Variants in UBE2R2 observed in about 807,000 individuals in gnomAD.
The protein encoded by UBE2R2 is ubiquitin conjugating enzyme E2 R2.
UBE2R2 carries 1 observed loss-of-function variant against 27.8 expected under a neutral mutation model. The ratio of observed to expected loss-of-function variants is 0.04; its 90% CI spans 0.01 to 0.17. The LOEUF (loss-of-function observed/expected upper bound fraction) is 0.17, where lower values mean the gene tolerates loss of function less well. Among genes scored for constraint, UBE2R2 ranks in the 10% least tolerant of loss-of-function variants. UBE2R2 has a pLI of 1.00. For synonymous variants in UBE2R2, 106 were observed against 113.3 expected (o/e 0.94, Z 0.41); for missense variants, 100 against 291.0 (o/e 0.34, Z 4.78).
intron 1 of UBE2R2, among the ~76,000 whole-genome samples, chr9:33,853,288 C>CTTTTTT (rs71506143): frequency 2.6e-5 from 3 of 115,358 alleles, no homozygotes; most frequent in African/African-American, 1.0e-4. Flanking sequence ...TTTTCTCTCT[C>CTTTTTT]TTTTTTTTTT....
intron 1 of UBE2R2, among the ~76,000 whole-genome samples, chr9:33,846,050 C>T (rs1047287647): frequency 8.7e-5 from 13 of 150,218 alleles, no homozygotes; most frequent in African/African-American, 2.5e-4. Flanking sequence ...GGCGTGAACT[C>T]GGGAGGTGGA....
intron 1 of UBE2R2, among the ~76,000 whole-genome samples, chr9:33,824,263 G>A (rs895031844): frequency 6.6e-5 from 10 of 152,004 alleles, no homozygotes; most frequent in African/African-American, 2.2e-4. Flanking sequence ...AGGCCGAGGC[G>A]GGTGGATCAC....
chr9:33,911,808 A>G (rs539687521), intron 3 of UBE2R2, among the ~76,000 whole-genome samples, 156 bp from the exon 4 acceptor site: 24 of 152,338 alleles, frequency 1.6e-4, no homozygotes, highest in Non-Finnish European at 3.4e-4. Context: ...TAAAAAATTT[A>G]TATCTCTATT....
At chr9:33,910,588 C>T (rs1031591391) in intron 3 of UBE2R2, among the ~76,000 whole-genome samples, 1 of 152,212 alleles carries the variant, frequency 6.6e-6, no homozygotes, top group Non-Finnish European at 1.5e-5. Context: ...AACTTGCTCA[C>T]CATTGTACAT....
At chr9:33,916,408 G>GA (rs1822643450) in intron 4 of UBE2R2, among the ~76,000 whole-genome samples, 1 of 152,204 alleles carries the variant, frequency 6.6e-6, no homozygotes, top group Non-Finnish European at 1.5e-5. Context: ...TACTGTCAGT[G>GA]AAAATTAAGA....
At position 33,836,771 on chromosome 9, in the gene UBE2R2, A is replaced by G. The variant is rs1442938020; in HGVS notation, c.177+18837A>G. On this transcript the variant is annotated intron_variant, in intron 1 of 4. Coordinates refer to ENST00000263228, the MANE Select transcript of UBE2R2 (RefSeq NM_017811.4). ...GACTCTTATCTCAAAAAAAAAAAAT[A>G]TATATATATATATTCTTGAGGAAGT... is the stretch of plus-strand genomic sequence containing the variant. 2.0e-5 allele frequency among the ~76,000 whole-genome samples: 3 copies of G among 148,718 alleles called. No homozygotes were observed. In the East Asian group the frequency reaches 5.9e-4, roughly 29 times the overall value.
At chr9:33,889,171 T>C (rs1333890428) in intron 2 of UBE2R2, among the ~76,000 whole-genome samples, 1 of 152,158 alleles carries the variant, frequency 6.6e-6, no homozygotes, top group Non-Finnish European at 1.5e-5. Context: ...CGCACAGCAG[T>C]ATTTTGGTGT....
chr9:33,885,431 A>C (rs1224357180), intron 1 of UBE2R2, among the ~76,000 whole-genome samples: 5 of 152,250 alleles, frequency 3.3e-5, no homozygotes, highest in Non-Finnish European at 7.3e-5. Flanking sequence ...CAAAGCTGCC[A>C]GGGAAAATGT....
At position 33,915,123 on chromosome 9, in the gene UBE2R2, T is replaced by C. The variant is rs190904236; in HGVS notation, c.498-1895T>C. ...CTAGCCTGGGTGACAGTGGGAGACC[T>C]TGTCTCAAAAAAAAAAAAAAAATCA... On this transcript the variant is annotated intron_variant, in intron 4 of 4. Transcript: ENST00000263228. Among the ~76,000 whole-genome samples, 13 of 146,382 alleles carry C rather than the reference T, an allele frequency of 8.9e-5. No homozygotes were observed. In the East Asian group the frequency reaches 2.4e-3, roughly 27 times the overall value.
At chr9:33,849,342 T>C (rs1820914025) in intron 1 of UBE2R2, among the ~76,000 whole-genome samples, 1 of 152,182 alleles carries the variant, frequency 6.6e-6, no homozygotes, top group African/African-American at 2.4e-5. Flanking sequence ...TCCTTATCTT[T>C]TTGTGTGTGT....
chr9:33,852,687 C>G (rs1820994133), intron 1 of UBE2R2, among the ~76,000 whole-genome samples: 1 of 152,008 alleles, frequency 6.6e-6, no homozygotes, highest in Non-Finnish European at 1.5e-5. Flanking sequence ...GTTTACTGTT[C>G]TATTGATGAT....
intron 1 of UBE2R2, among the ~76,000 whole-genome samples, chr9:33,834,687 G>A (rs1374747777): frequency 6.6e-6 from 1 of 151,824 alleles, no homozygotes; most frequent in African/African-American, 2.4e-5. Flanking sequence ...GAAGCAGGTG[G>A]ATCACCTGAG....
intron 1 of UBE2R2, among the ~76,000 whole-genome samples, chr9:33,851,950 C>G (rs1226731082): frequency 6.6e-6 from 1 of 151,994 alleles, no homozygotes; most frequent in Non-Finnish European, 1.5e-5. Context: ...AAAGTCATAT[C>G]TAGAAGGGTC....
chr9:33,843,042 CTTTTTTTTT>C (rs71506139), intron 1 of UBE2R2, among the ~76,000 whole-genome samples: 1 of 105,314 alleles, frequency 9.5e-6, no homozygotes, highest in Non-Finnish European at 1.8e-5. Flanking sequence ...AAACAGACCA[CTTTTTTTTT>C]TTTTTTTTTT....
chr9:33,845,407 C>T (rs553346109), intron 1 of UBE2R2, among the ~76,000 whole-genome samples: 37 of 151,912 alleles, frequency 2.4e-4, no homozygotes, highest in Admixed American at 7.2e-4. Context: ...CCACCACACC[C>T]GGCTCATTTT....
At position 33,879,588 on chromosome 9, in the gene UBE2R2, G is replaced by C. The variant is rs914690363; in HGVS notation, c.178-7293G>C. On this transcript the variant is annotated intron_variant, in intron 1 of 4. Coordinates refer to ENST00000263228, the MANE Select transcript of UBE2R2 (RefSeq NM_017811.4). ...CCCACCTCAGCCTCCTGAGTAGCTG[G>C]GATTACAGGCACGTCCACCATGCTT... 2.0e-5 allele frequency among the ~76,000 whole-genome samples: 3 copies of C among 151,626 alleles called. No individual in the cohort carries two copies. The South Asian group carries it at 6.3e-4, about 32-fold the overall frequency.
intron 1 of UBE2R2, among the ~76,000 whole-genome samples, chr9:33,851,598 G>A (rs1038990607): frequency 5.9e-5 from 9 of 152,016 alleles, no homozygotes; most frequent in African/African-American, 1.9e-4. Context: ...TTCTTTTTAG[G>A]TGGTACATGA....
At chr9:33,881,998 A>G (rs1051237572) in intron 1 of UBE2R2, among the ~76,000 whole-genome samples, 2 of 152,170 alleles carry the variant, frequency 1.3e-5, no homozygotes, top group Admixed American at 6.5e-5. Flanking sequence ...GTATTTTTCC[A>G]TTCAGTAATA....
chr9:33,915,681 C>T (rs1488749966), intron 4 of UBE2R2, among the ~76,000 whole-genome samples: 1 of 152,112 alleles, frequency 6.6e-6, no homozygotes, highest in African/African-American at 2.4e-5. Context: ...TTATTGCACA[C>T]CTCTTATGTG....
Sources: allele counts gnomAD v4.1 joint callset (sites outside exome capture counted in the v4.1 genomes callset), GRCh38; gene constraint gnomAD v4.1.1; transcripts MANE v1.5; gene names NCBI Gene and HGNC (gene_info 2026-07-23, HGNC 2026-07-21).